The following HJURP variants were observed in gnomAD, a reference collection of about 807,000 sequenced individuals.
HJURP encodes the protein Holliday junction recognition protein.
Under a neutral mutation model 72.0 loss-of-function variants are expected in HJURP, and 49 were observed. The observed-to-expected ratio is 0.68, with a 90% CI of 0.54 to 0.86. HJURP has a LOEUF of 0.86. Among genes scored for constraint, HJURP ranks in the 40% least tolerant of loss-of-function variants. The pLI is 0.00. For missense variants in HJURP, 908 were observed against 936.3 expected (o/e 0.97, Z 0.39); for synonymous variants, 357 against 347.1 (o/e 1.03, Z -0.32).
chr2:233,848,318 G>C (rs1004638126), intron 4 of HJURP, among the ~76,000 whole-genome samples: 3 of 152,136 alleles, frequency 2.0e-5, no homozygotes, highest in African/African-American at 7.2e-5. Context: ...GGGATCACAG[G>C]GGCTTCCCGG....
chr2:233,849,744 T>C lies in HJURP; in HGVS notation c.337+19A>G, dbSNP rs1705453775. On this transcript the variant is annotated intron_variant, in intron 4 of 8. Coordinates refer to ENST00000411486, the MANE Select transcript of HJURP (RefSeq NM_018410.5). The stretch of plus-strand genomic sequence containing the variant: ...CTGGTCCCTCCTGACTTCAGTTCTC[T>C]GACGAAGGCAACACTCACCGGCTCC... 2 of 1,522,294 alleles carry C rather than the reference T, an allele frequency of 1.3e-6. No homozygotes were observed. The highest frequency in any genetic ancestry group is 1.8e-6 in the Non-Finnish European group (2 of 1,121,808). The allele number at this position is 1,522,294 out of a possible 1,614,324, so 94.3% of individuals were successfully genotyped here.
intron 7 of HJURP, among the ~76,000 whole-genome samples, chr2:233,842,871 G>T (rs1414256899): frequency 6.6e-6 from 1 of 152,220 alleles, no homozygotes; most frequent in African/African-American, 2.4e-5. Flanking sequence ...ACTGCGGCTG[G>T]TGAGAACTGG....
At chr2:233,847,572 T>G in intron 4 of HJURP, 111 bp from the exon 5 acceptor site, 1 of 903,440 alleles carries the variant, frequency 1.1e-6, no homozygotes, top group Non-Finnish European at 1.8e-6. Context: ...AAAATCCCCA[T>G]TGCTTCAAGG....
Position 233,841,107 on chromosome 2 carries a change from G to C in HJURP, c.1673C>G (p.Pro558Arg), listed in dbSNP as rs1199397421. The C allele has an allele frequency of 6.2e-7, 1 of 1,613,972 alleles. No individual in the cohort carries two copies. Among genetic ancestry groups the C allele is most frequent in the African/African-American group, 1.3e-5 (1 of 74,898 alleles). ...ATCTGGGACTGAAAGAGTTTTGCTG[G>C]GTGACACTGACTTTCTAAATATTCC... is the stretch of plus-strand genomic sequence containing the variant. ...SSGIFRKSVS[P>R]SKTLSVPDKE... Residue 558 changes from proline (P) to arginine (R), a missense_variant, in exon 8 of 9, where the codon CCC (proline) becomes CGC (arginine). Physicochemically the swap from Pro to Arg is moderately radical, Grantham distance 103. Around this residue, in one of 3 missense-constraint regions of HJURP, gnomAD observed 598 missense variants for 619.5 expected, o/e 0.97. Transcript: ENST00000411486.
intron 2 of HJURP, among the ~76,000 whole-genome samples, chr2:233,853,454 G>A (rs1433967684): frequency 6.6e-6 from 1 of 152,170 alleles, no homozygotes; most frequent in African/African-American, 2.4e-5. Context: ...GTGCGGGGCG[G>A]GGTACTGTTC....
chr2:233,844,037 A>G (rs1705295077), intron 7 of HJURP, among the ~76,000 whole-genome samples, 168 bp downstream of exon 7: 1 of 152,216 alleles, frequency 6.6e-6, no homozygotes, highest in Non-Finnish European at 1.5e-5. Context: ...TCATTTTGAA[A>G]CATCTTAATC....
intron 2 of HJURP, among the ~76,000 whole-genome samples, chr2:233,853,578 A>G (rs1464167897): frequency 1.3e-5 from 2 of 152,200 alleles, no homozygotes; most frequent in African/African-American, 2.4e-5. Flanking sequence ...CAGCTAAGCA[A>G]CTGCCCCACG....
chr2:233,850,303 G>C (rs1033554475), intron 3 of HJURP, among the ~76,000 whole-genome samples: 1 of 152,224 alleles, frequency 6.6e-6, no homozygotes, highest in African/African-American at 2.4e-5. Context: ...TATTTAAGGC[G>C]GGGAGGAGCC....
chr2:233,841,787 C>G lies in HJURP; in HGVS notation c.993G>C (p.Val331=), dbSNP rs991230276. 3.4e-5 allele frequency: 55 copies of G among 1,614,064 alleles called. 3 individuals are homozygous for G. Among genetic ancestry groups the G allele is most frequent in the Non-Finnish European group, 4.2e-6 (5 of 1,180,024 alleles). The stretch of plus-strand genomic sequence containing the variant: ...AATCTCTTAATGCCCCTGTCCCTTT[C>G]ACAGGCTCAGAGCAGGGTATGAAGT... ...KENFIPCSEP[V]KGTGALRDCK... Residue 331 remains valine, a synonymous_variant, in exon 8 of 9, where the codon GTG becomes GTC. Transcript: ENST00000411486.
At chr2:233,838,496 A>G (rs554878729) in intron 8 of HJURP, among the ~76,000 whole-genome samples, 6 of 152,304 alleles carry the variant, frequency 3.9e-5, no homozygotes, top group South Asian at 2.1e-4. Flanking sequence ...GGCGACTGGC[A>G]CGGTGCCAGA....
At chr2:233,850,522 T>C (rs1158032920) in intron 3 of HJURP, among the ~76,000 whole-genome samples, 3 of 152,204 alleles carry the variant, frequency 2.0e-5, no homozygotes, top group Non-Finnish European at 2.9e-5. Flanking sequence ...GGATACCAGA[T>C]TGGCTGAAAT....
chr2:233,847,535 G>A (rs1705393730), intron 4 of HJURP, 74 bp from the exon 5 acceptor site: 3 of 1,251,118 alleles, frequency 2.4e-6, no homozygotes, highest in Non-Finnish European at 3.5e-6. Flanking sequence ...GATGGTTTTG[G>A]CATCACTTCG....
Position 233,841,195 on chromosome 2 carries a change from G to A in HJURP, c.1585C>T (p.Pro529Ser), listed in dbSNP as rs1363526932. The A allele has an allele frequency of 6.2e-7, 1 of 1,614,048 alleles. No homozygotes were observed. Among genetic ancestry groups the A allele is most frequent in the Non-Finnish European group, 8.5e-7 (1 of 1,180,036 alleles). The change falls in exon 8 of 9, where the codon CCC (proline) becomes TCC (serine). Residue 529 changes from proline (P) to serine (S), a missense_variant. Physicochemically the swap from Pro to Ser is moderately conservative, Grantham distance 74. Around this residue, in one of 3 missense-constraint regions of HJURP, gnomAD observed 598 missense variants for 619.5 expected, o/e 0.97. Coordinates refer to ENST00000411486, the MANE Select transcript of HJURP (RefSeq NM_018410.5). ...TGCGGGCGAGTTGCGCTGTGTGTGG[G>A]GTTGGTCTTTGGAAGTGATGAAGAT... ...DSSSSLPKTN[P>S]THSATRPQQT...
Position 233,837,178 on chromosome 2 carries a change from C to T in HJURP, c.*399G>A, listed in dbSNP as rs551179139. ...GCGCGCGCCTGTAATCCCAGCTACTCGGGAGGCTGAGGCAGAAGAATCGCT... is the reference window on the plus strand; with the variant it reads ...GCGCGCGCCTGTAATCCCAGCTACTTGGGAGGCTGAGGCAGAAGAATCGCT... On this transcript the variant is annotated 3_prime_UTR_variant, in exon 9 of 9. Coordinates refer to ENST00000411486, the MANE Select transcript of HJURP (RefSeq NM_018410.5). The T allele has an allele frequency of 4.2e-4, 86 of 206,472 alleles. No homozygotes were observed. The highest frequency in any genetic ancestry group is 6.7e-4 in the Non-Finnish European group (70 of 104,506). 12.8% of individuals were successfully genotyped at this position (206,472 alleles called of 1,614,324 possible). A position where few individuals can be genotyped will look rare whatever the true frequency, so the allele number is the denominator to read the frequency against.
At chr2:233,853,709 GT>G in intron 2 of HJURP, 134 bp downstream of exon 2, 1 of 676,084 alleles carries the variant, frequency 1.5e-6, no homozygotes, top group African/African-American at 1.8e-5. Flanking sequence ...TAATTTACAG[GT>G]TTAAGGGCAC....
rs146376027 is a variant in HJURP, at chr2:233,845,916, A to G, written c.403-96T>C. Reference sequence around the variant, plus strand: ...AACTGGCAAGCTCATTAATGTACAAATCTTTACATGATCCTACTCAAAGTC... The same window carrying G: ...AACTGGCAAGCTCATTAATGTACAAGTCTTTACATGATCCTACTCAAAGTC... On this transcript the variant is annotated intron_variant, in intron 5 of 8. Transcript: ENST00000411486. 6.5e-4 allele frequency: 495 copies of G among 758,956 alleles called. 2 individuals are homozygous for G. The East Asian group carries it at 0.011, about 17-fold the overall frequency. 47.0% of individuals were successfully genotyped at this position (758,956 alleles called of 1,614,324 possible).
chr2:233,844,391 T>C (rs2124967421), intron 6 of HJURP, 108 bp from the exon 7 acceptor site: 1 of 806,130 alleles, frequency 1.2e-6, no homozygotes, highest in Non-Finnish European at 2.1e-6. Flanking sequence ...AGCACAGCCA[T>C]GTCGACAAGC....
chr2:233,850,066 G>A (rs1289177788), intron 3 of HJURP, among the ~76,000 whole-genome samples: 1 of 152,302 alleles, frequency 6.6e-6, no homozygotes, highest in Admixed American at 6.5e-5. Context: ...TTGCAGCGGG[G>A]GCTGCTACTT....
chr2:233,844,140 C>T, intron 7 of HJURP, 65 bp downstream of exon 7: 1 of 1,324,990 alleles, frequency 7.5e-7, no homozygotes. Context: ...CTCTGAGGGG[C>T]CACGCAGCTC....
Sources: allele counts gnomAD v4.1 joint callset (sites outside exome capture counted in the v4.1 genomes callset), GRCh38; gene constraint gnomAD v4.1.1; regional missense constraint gnomAD v4.1.1; transcripts MANE v1.5; gene names NCBI Gene and HGNC (gene_info 2026-07-23, HGNC 2026-07-21).